KIF1B: variants seen among roughly 807,000 people sequenced by gnomAD.
The protein encoded by KIF1B is kinesin-like protein KIF1B.
KIF1B carries 76 observed loss-of-function variants against 241.9 expected under a neutral mutation model. That is an observed-to-expected ratio of 0.31 (90% CI 0.26 to 0.38). The LOEUF (loss-of-function observed/expected upper bound fraction) is 0.38, where lower values mean the gene tolerates loss of function less well. Among genes scored for constraint, KIF1B ranks in the 10% least tolerant of loss-of-function variants. The pLI, the probability that KIF1B is intolerant of heterozygous loss-of-function variation, is 1.00. For missense variants in KIF1B, 1,622 were observed against 2,271.4 expected (o/e 0.71, Z 5.81); for synonymous variants, 750 against 796.7 (o/e 0.94, Z 0.99).
intron 22 of KIF1B, chr1:10,307,063 AG>A: frequency 9.6e-7 from 1 of 1,038,962 alleles, no homozygotes; most frequent in South Asian, 4.6e-5. Context: ...TGTTAATCCC[AG>A]GTGTCCTCAT....
chr1:10,373,568 T>C (rs539967362), intron 45 of KIF1B, among the ~76,000 whole-genome samples: 1 of 151,464 alleles, frequency 6.6e-6, no homozygotes, highest in African/African-American at 2.4e-5. Flanking sequence ...GAATGAAGTA[T>C]GAGAAAAAGT....
At chr1:10,369,311 G>A (rs939479502) in intron 44 of KIF1B, among the ~76,000 whole-genome samples, 2 of 152,212 alleles carry the variant, frequency 1.3e-5, no homozygotes, top group African/African-American at 4.8e-5. Flanking sequence ...GTACATGGAA[G>A]GTGCACCACT....
At chr1:10,332,098 C>G (rs563410354) in intron 27 of KIF1B, among the ~76,000 whole-genome samples, 5 of 152,244 alleles carry the variant, frequency 3.3e-5, no homozygotes, top group Admixed American at 1.3e-4. Context: ...AAGTCTTGCT[C>G]TTGTCCCCCA....
Position 10,278,079 on chromosome 1 carries a change from A to G in KIF1B, c.1131A>G (p.Thr377=), listed in dbSNP as rs2102225675. Residue 377 remains threonine (T), a synonymous_variant, in exon 13 of 49, where the codon ACA becomes ACG. Coordinates refer to ENST00000676179, the MANE Select transcript of KIF1B (RefSeq NM_001365951.3). ...KLVRELKEEV[T]RLKDLLRAQG... ...TTCGTGAATTAAAGGAGGAGGTGACACGGCTGAAGGACCTTCTTCGTGCTC... is the reference window on the plus strand; with the variant it reads ...TTCGTGAATTAAAGGAGGAGGTGACGCGGCTGAAGGACCTTCTTCGTGCTC... 1.2e-6 allele frequency: 2 copies of G among 1,614,120 alleles called. No homozygotes were observed. Among genetic ancestry groups the G allele is most frequent in the Non-Finnish European group, 1.7e-6 (2 of 1,179,976 alleles).
At chr1:10,320,633 A>G (rs1303623698) in intron 23 of KIF1B, among the ~76,000 whole-genome samples, 1 of 152,230 alleles carries the variant, frequency 6.6e-6, no homozygotes, top group East Asian at 1.9e-4. Context: ...ACTTACCACA[A>G]TTCGTTTTTC....
intron 25 of KIF1B, 120 bp downstream of exon 25, chr1:10,324,182 C>G: frequency 2.0e-6 from 2 of 1,000,564 alleles, no homozygotes; most frequent in Non-Finnish European, 1.6e-6. Context: ...CCTGTACTTT[C>G]TAAATGCTGT....
chr1:10,269,531 A>AG (rs1404344511), intron 7 of KIF1B, among the ~76,000 whole-genome samples: 2 of 142,652 alleles, frequency 1.4e-5, no homozygotes, highest in African/African-American at 5.3e-5. Flanking sequence ...AAAAAAAAAC[A>AG]CACTCCTACT....
chr1:10,304,912 TA>T, intron 22 of KIF1B: 1 of 1,330,356 alleles, frequency 7.5e-7, no homozygotes, highest in Non-Finnish European at 9.6e-7. Context: ...AGTGCCTAAT[TA>T]ATATACTTAC....
intron 22 of KIF1B, among the ~76,000 whole-genome samples, chr1:10,301,033 T>G (rs1650515976): frequency 6.6e-6 from 1 of 152,208 alleles, no homozygotes; most frequent in Admixed American, 6.5e-5. Flanking sequence ...AAAGTGACTA[T>G]ACAGGCAAAT....
chr1:10,289,946 A>G (rs540848705), intron 15 of KIF1B, among the ~76,000 whole-genome samples: 12 of 152,220 alleles, frequency 7.9e-5, no homozygotes, highest in Admixed American at 5.9e-4. Context: ...CCTTACTACA[A>G]TGTAAATCTT....
intron 38 of KIF1B, among the ~76,000 whole-genome samples, chr1:10,360,055 A>G (rs1638373443): frequency 6.7e-6 from 1 of 149,602 alleles, no homozygotes; most frequent in Non-Finnish European, 1.5e-5. Context: ...AAATAAAAAA[A>G]TAATAAAATA....
chr1:10,312,057 C>T (rs956840637), intron 22 of KIF1B, among the ~76,000 whole-genome samples: 1 of 151,266 alleles, frequency 6.6e-6, no homozygotes, highest in African/African-American at 2.5e-5. Context: ...TGCCCTGCCT[C>T]GCCTTCTGCT....
At chr1:10,313,204 T>C (rs1452945070) in intron 22 of KIF1B, among the ~76,000 whole-genome samples, 1 of 151,344 alleles carries the variant, frequency 6.6e-6, no homozygotes, top group Non-Finnish European at 1.5e-5. Flanking sequence ...TAGCTGAGAC[T>C]ACAGGCACAC....
intron 15 of KIF1B, among the ~76,000 whole-genome samples, chr1:10,287,238 G>C (rs1041796775): frequency 3.3e-5 from 5 of 152,150 alleles, no homozygotes; most frequent in African/African-American, 1.2e-4. Context: ...AGCTTCTCTG[G>C]TCTGTTGGAA....
rs1263212431 is a variant in KIF1B at position 10,293,401 on chromosome 1, T to G, written c.1590+1279T>G. Among the ~76,000 whole-genome samples, 4 of 149,782 alleles carry G rather than the reference T, an allele frequency of 2.7e-5. No individual in the cohort carries two copies. The East Asian group carries it at 7.8e-4, about 29-fold the overall frequency. ...TTAAAGACTGTGAGGAAATTTTTTT[T>G]TTTTTTTTTTTTTGAGACAGAGTCT... On this transcript the variant is annotated intron_variant, in intron 17 of 48. Coordinates refer to ENST00000676179, the MANE Select transcript of KIF1B (RefSeq NM_001365951.3).
intron 38 of KIF1B, among the ~76,000 whole-genome samples, chr1:10,359,032 T>C (rs1638340510): frequency 6.6e-6 from 1 of 152,222 alleles, no homozygotes; most frequent in African/African-American, 2.4e-5. Flanking sequence ...TATTAAGTAC[T>C]TGAAGAAGAC....
Position 10,267,515 on chromosome 1 carries a change from T to C in KIF1B, c.565T>C (p.Tyr189His). The C allele has an allele frequency of 6.2e-7, 1 of 1,614,190 alleles. No individual in the cohort carries two copies. Among genetic ancestry groups the C allele is most frequent in the Non-Finnish European group, 8.5e-7 (1 of 1,180,008 alleles). ...TCTGTCCAAGTTGGCAGTTACTTCC[T>C]ACACAGACATTGCTGACCTCATGGA... ...EDLSKLAVTS[Y>H]TDIADLMDAG... Residue 189 changes from tyrosine to histidine, a missense_variant, in exon 6 of 49, where the codon TAC becomes CAC. Around this residue, in one of 7 missense-constraint regions of KIF1B, gnomAD observed 156 missense variants for 244.8 expected, o/e 0.64. Coordinates refer to ENST00000676179, the MANE Select transcript of KIF1B (RefSeq NM_001365951.3).
Position 10,374,763 on chromosome 1 carries a change from A to ATTG in KIF1B, c.5097-91_5097-90insTTG, listed in dbSNP as rs1569931362. 1 of 1,224,102 alleles carries ATTG rather than the reference A, an allele frequency of 8.2e-7. No homozygotes were observed. Among genetic ancestry groups the ATTG allele is most frequent in the East Asian group, 2.3e-5 (1 of 42,606 alleles). 75.8% of individuals were successfully genotyped at this position (1,224,102 alleles called of 1,614,324 possible). A position where few individuals can be genotyped will look rare whatever the true frequency, so the allele number is the denominator to read the frequency against. On this transcript the variant is annotated intron_variant, in intron 46 of 48. Transcript: ENST00000676179. The surrounding 1 kb of genome is among the most constrained non-coding windows in gnomAD (Gnocchi z 4.3). ...TTTGCCTGTTTCATCGAATCTAAGG[A>ATTG]CTTGGCCTAAGTGTGGCGTATTTTG... is the stretch of plus-strand genomic sequence containing the variant.
At chr1:10,259,814 T>A (rs1265094827) in intron 4 of KIF1B, among the ~76,000 whole-genome samples, 1 of 151,516 alleles carries the variant, frequency 6.6e-6, no homozygotes, top group Non-Finnish European at 1.5e-5. Flanking sequence ...AAATTTTTTT[T>A]TTAGAGACAG....
Sources: allele counts gnomAD v4.1 joint callset (sites outside exome capture counted in the v4.1 genomes callset), GRCh38; gene constraint gnomAD v4.1.1; regional missense constraint gnomAD v4.1.1; non-coding constraint Gnocchi (gnomAD v3.1); transcripts MANE v1.5; gene names NCBI Gene and HGNC (gene_info 2026-07-23, HGNC 2026-07-21).